MAP3K6: variants seen among roughly 807,000 people sequenced by gnomAD.
MAP3K6 encodes mitogen-activated protein kinase kinase kinase 6.
MAP3K6 carries 105 observed loss-of-function variants against 147.1 expected under a neutral mutation model. The ratio of observed to expected loss-of-function variants is 0.71; its 90% CI spans 0.61 to 0.84. The LOEUF is 0.84. Among genes scored for constraint, MAP3K6 ranks in the 40% least tolerant of loss-of-function variants. The pLI, the probability that MAP3K6 is intolerant of heterozygous loss-of-function variation, is 0.00. For synonymous variants in MAP3K6, 695 were observed against 732.4 expected (o/e 0.95, Z 0.82); for missense variants, 1,569 against 1,715.0 (o/e 0.91, Z 1.50).
Position 27,366,118 on chromosome 1 carries a change from G to A in MAP3K6, c.340+140C>T. ...CACTTTTTTCACGGCCCTGTCCCAAGCCCTTCAGCTTTAGCTCACTTTAAG... is the reference window on the plus strand; with the variant it reads ...CACTTTTTTCACGGCCCTGTCCCAAACCCTTCAGCTTTAGCTCACTTTAAG... On this transcript the variant is annotated intron_variant, in intron 1 of 28. Transcript: ENST00000357582. This position sits in a 1 kb window ranked among gnomAD's most constrained non-coding sequence, Gnocchi z 5.5. The A allele has an allele frequency of 1.1e-6, 1 of 940,130 alleles. No individual in the cohort carries two copies. The highest frequency in any genetic ancestry group is 5.2e-5 in the South Asian group (1 of 19,326). 58.2% of individuals were successfully genotyped at this position (940,130 alleles called of 1,614,324 possible).
In MAP3K6 at chr1:27,362,920, C is replaced by T. The variant is rs1364617693; in HGVS notation, c.1073G>A (p.Arg358His). Residue 358 changes from arginine to histidine, a missense_variant, in exon 7 of 29, where the codon CGT (arginine) becomes CAT (histidine). Arg to His is a conservative substitution (Grantham distance 29). Coordinates refer to ENST00000357582, the MANE Select transcript of MAP3K6 (RefSeq NM_004672.5). ...GCTGAAGAACATGTCCTTGTAGATA[C>T]GGCCACACATGCAGTACAGATCGGG... The part of the protein sequence containing the change: ...VAPDLYCMCG[R>H]IYKDMFFSSG... The T allele has an allele frequency of 5.6e-6, 9 of 1,614,022 alleles. No individual in the cohort carries two copies. Among genetic ancestry groups the T allele is most frequent in the African/African-American group, 4.0e-5 (3 of 74,928 alleles).
rs774078367 is a variant in MAP3K6, at chr1:27,361,334, C to T, written c.1736+12G>A. ...TCCCGTCTTTCCAGTCACCCCAGGTCCCGCCTATCACCTGACTCCGCATAT... is the reference window on the plus strand; with the variant it reads ...TCCCGTCTTTCCAGTCACCCCAGGTTCCGCCTATCACCTGACTCCGCATAT... On this transcript the variant is annotated intron_variant, in intron 12 of 28. Coordinates refer to ENST00000357582, the MANE Select transcript of MAP3K6 (RefSeq NM_004672.5). 9.3e-6 allele frequency: 15 copies of T among 1,613,816 alleles called. No homozygotes were observed. The highest frequency in any genetic ancestry group is 1.1e-5 in the Non-Finnish European group (13 of 1,179,964).
rs777135177 is a variant in MAP3K6, at chr1:27,361,501, G to C, written c.1686+19C>G. The stretch of plus-strand genomic sequence containing the variant: ...AGGTCCTAGCAAAGGTGAGTGAGGG[G>C]CCTCAGCAGCGACTTCACCTGGGTC... On this transcript the variant is annotated intron_variant, in intron 11 of 28. Coordinates refer to ENST00000357582, the MANE Select transcript of MAP3K6 (RefSeq NM_004672.5). The C allele has an allele frequency of 1.9e-6, 3 of 1,613,214 alleles. No individual in the cohort carries two copies. Among genetic ancestry groups the C allele is most frequent in the South Asian group, 1.1e-5 (1 of 91,062 alleles).
At chr1:27,357,350 AACTC>A in intron 23 of MAP3K6, 46 bp downstream of exon 23, 1 of 1,555,878 alleles carries the variant, frequency 6.4e-7, no homozygotes, top group Non-Finnish European at 8.7e-7. Flanking sequence ...AGGCACGGGG[AACTC>A]ACTACCTGTT....
intron 28 of MAP3K6, 75 bp from the exon 29 acceptor site, chr1:27,355,544 G>T (rs2148044824): frequency 1.3e-6 from 2 of 1,576,792 alleles, no homozygotes; most frequent in East Asian, 4.5e-5. Flanking sequence ...TGTCTGCCCA[G>T]TGCCCCCTCT....
chr1:27,362,093 T>C lies in MAP3K6; in HGVS notation c.1413A>G (p.Ile471Met). ...AEQLYKLNAP[I>M]WYLVSVMETF... Reference sequence around the variant, plus strand: ...AGAATGCAGAGGGGGCCACCTACCATATGGGGGCATTGAGCTTATACAGCT... The same window carrying C: ...AGAATGCAGAGGGGGCCACCTACCACATGGGGGCATTGAGCTTATACAGCT... The change falls in exon 9 of 29, where the codon ATA (isoleucine) becomes ATG (methionine). Residue 471 changes from isoleucine (I) to methionine (M), a missense_variant and splice_region_variant. Physicochemically the swap from Ile to Met is conservative, Grantham distance 10. Coordinates refer to ENST00000357582, the MANE Select transcript of MAP3K6 (RefSeq NM_004672.5). 1.2e-6 allele frequency: 2 copies of C among 1,609,644 alleles called. No individual in the cohort carries two copies. Among genetic ancestry groups the C allele is most frequent in the East Asian group, 4.5e-5 (2 of 44,814 alleles).
chr1:27,364,651 T>C lies in MAP3K6; in HGVS notation c.504+10A>G, dbSNP rs1383339003. On this transcript the variant is annotated intron_variant, in intron 3 of 28. Coordinates refer to ENST00000357582, the MANE Select transcript of MAP3K6 (RefSeq NM_004672.5). This position sits in a 1 kb window ranked among gnomAD's most constrained non-coding sequence, Gnocchi z 4.4. Reference sequence around the variant, plus strand: ...AGGGCACTTTTGAGTGAGAGGTGGATTCTGCTCACCGAGTTCTTCTGGAAA... The same window carrying C: ...AGGGCACTTTTGAGTGAGAGGTGGACTCTGCTCACCGAGTTCTTCTGGAAA... 6.2e-7 allele frequency: 1 copy of C among 1,614,140 alleles called. No homozygotes were observed. Among genetic ancestry groups the C allele is most frequent in the Non-Finnish European group, 8.5e-7 (1 of 1,180,006 alleles).
Position 27,366,299 on chromosome 1 carries a change from TCCAGC to T in MAP3K6, c.294_298del (p.Leu99AlafsTer37). ...ATCCAGAGCCGCGGTGTCGCCTAGC[TCCAGC>T]GTCCCGAAGGGCAGGCTGCGCAGCT... is the stretch of plus-strand genomic sequence containing the variant. On this transcript the variant is annotated frameshift_variant, in exon 1 of 29. Transcript: ENST00000357582. LOFTEE classifies it high-confidence loss of function. The surrounding 1 kb of genome is among the most constrained non-coding windows in gnomAD (Gnocchi z 5.5). The T allele has an allele frequency of 7.5e-7, 1 of 1,330,692 alleles. No homozygotes were observed. Among genetic ancestry groups the T allele is most frequent in the African/African-American group, 1.5e-5 (1 of 65,264 alleles). The allele number at this position is 1,330,692 out of a possible 1,614,324, so 82.4% of individuals were successfully genotyped here.
rs531737432 is a variant in MAP3K6, at chr1:27,359,792, G to A, written c.2319+66C>T. ...CACTTAATCTAAACTGCCAGCCTGC[G>A]TCTGGGACCATGTTTCCTTCCCCGC... On this transcript the variant is annotated intron_variant, in intron 17 of 28. Coordinates refer to ENST00000357582, the MANE Select transcript of MAP3K6 (RefSeq NM_004672.5). This position sits in a 1 kb window ranked among gnomAD's most constrained non-coding sequence, Gnocchi z 4.4. 2.6e-4 allele frequency: 421 copies of A among 1,603,890 alleles called. 1 individual carries two copies. The highest frequency in any genetic ancestry group is 2.0e-3 in the Middle Eastern group (12 of 6,028).
At position 27,360,650 on chromosome 1, in the gene MAP3K6, G is replaced by A. The variant is rs115666955; in HGVS notation, c.2054+55C>T. Reference sequence around the variant, plus strand: ...ACAGGAGCCGCTCCGCTCGTGGCCCGGCTCACTCGGCCCTCGCGAGCCCTC... The same window carrying A: ...ACAGGAGCCGCTCCGCTCGTGGCCCAGCTCACTCGGCCCTCGCGAGCCCTC... On this transcript the variant is annotated intron_variant, in intron 15 of 28. Transcript: ENST00000357582. This position sits in a 1 kb window ranked among gnomAD's most constrained non-coding sequence, Gnocchi z 4.5. 0.011 allele frequency: 17,741 copies of A among 1,565,784 alleles called. 137 individuals are homozygous for A. The highest frequency in any genetic ancestry group is 0.051 in the Middle Eastern group (280 of 5,502).
rs1181495734 is a variant in MAP3K6, at chr1:27,364,682, C to T, written c.483G>A (p.Glu161=). ...TCACCGAGTTCTTCTGGAAAACATC[C>T]TCCTGCAGGAGGCAGACAGTCAGAT... ...ADLPDLQALR[E]DVFQKNSDCV... The change falls in exon 3 of 29, where the codon GAG becomes GAA. Residue 161 remains glutamate (E), a splice_region_variant and synonymous_variant. Coordinates refer to ENST00000357582, the MANE Select transcript of MAP3K6 (RefSeq NM_004672.5). The surrounding 1 kb of genome is among the most constrained non-coding windows in gnomAD (Gnocchi z 4.4). The T allele has an allele frequency of 3.7e-6, 6 of 1,614,064 alleles. 1 individual carries two copies. The African/African-American group carries it at 4.0e-5, about 11-fold the overall frequency.
chr1:27,357,458 C>G lies in MAP3K6; in HGVS notation c.3200G>C (p.Arg1067Thr), dbSNP rs762730374. 1 of 1,613,552 alleles carries G rather than the reference C, an allele frequency of 6.2e-7. No individual in the cohort carries two copies. Among genetic ancestry groups the G allele is most frequent in the South Asian group, 1.1e-5 (1 of 91,052 alleles). Residue 1067 changes from arginine (R) to threonine (T), a missense_variant, in exon 23 of 29, where the codon AGG (arginine) becomes ACG (threonine). Coordinates refer to ENST00000357582, the MANE Select transcript of MAP3K6 (RefSeq NM_004672.5). The stretch of plus-strand genomic sequence containing the variant: ...AAGCGCAGGCCCAAGGCCCTGGGCC[C>G]TCAGCCGTCCTTGCAGCGCCCGCAG... ...QELRALQGRL[R>T]AQGLGPALLH... is the part of the protein sequence containing the mutation.
In MAP3K6 at chr1:27,361,221, G is replaced by C; in HGVS notation, c.1768C>G (p.Leu590Val). Reference sequence around the variant, plus strand: ...TCCTGAGCCGGGGGGAGTGCATAGAGGAAGCAGCAGCGCTCGTCGCGCTTT... The same window carrying C: ...TCCTGAGCCGGGGGGAGTGCATAGACGAAGCAGCAGCGCTCGTCGCGCTTT... ...ASKRDERCCF[L>V]YALPPAQDVQ... The change falls in exon 13 of 29, where the codon CTC (leucine) becomes GTC (valine). Residue 590 changes from leucine (L) to valine (V), a missense_variant. Physicochemically the swap from Leu to Val is conservative, Grantham distance 32. Coordinates refer to ENST00000357582, the MANE Select transcript of MAP3K6 (RefSeq NM_004672.5). 6.2e-7 allele frequency: 1 copy of C among 1,613,346 alleles called. No homozygotes were observed. Among genetic ancestry groups the C allele is most frequent in the Non-Finnish European group, 8.5e-7 (1 of 1,179,876 alleles).
At chr1:27,357,979 A>C in intron 21 of MAP3K6, 103 bp from the exon 22 acceptor site, 1 of 1,470,686 alleles carries the variant, frequency 6.8e-7, no homozygotes, top group South Asian at 1.4e-5. Context: ...TGCCTACCTC[A>C]CAGGCATGAA....
At chr1:27,362,804 C>T (rs1207684502) in intron 7 of MAP3K6, 47 bp downstream of exon 7, 1 of 1,611,506 alleles carries the variant, frequency 6.2e-7, no homozygotes. Context: ...ACAGCACCAC[C>T]CCTCATCTCA....
At chr1:27,361,684 C>T (rs750389310) in intron 10 of MAP3K6, 21 bp downstream of exon 10, 3 of 1,613,998 alleles carry the variant, frequency 1.9e-6, no homozygotes, top group Admixed American at 3.3e-5. Context: ...TTCCCGGGTC[C>T]ACCACCCCTA....
In MAP3K6 at chr1:27,363,543, GT is replaced by G. The variant is rs750842753; in HGVS notation, c.869del (p.Tyr290SerfsTer99). The G allele has an allele frequency of 6.2e-7, 1 of 1,609,874 alleles. No homozygotes were observed. The highest frequency in any genetic ancestry group is 1.1e-5 in the South Asian group (1 of 90,498). ...TCTCCACCAGCTCAATGATGGCCGA[GT>G]AGTCCTGCATCAGGGAACGGCAAGC... Reference protein sequence around the residue: ...LLLSYRDVQDYSAIIELVETL... With the variant: ...LLLSYRDVQDXSAIIELVETL... On this transcript the variant is annotated frameshift_variant, in exon 6 of 29. Transcript: ENST00000357582. LOFTEE classifies it high-confidence loss of function.
Position 27,360,610 on chromosome 1 carries a change from C to T in MAP3K6, c.2054+95G>A, listed in dbSNP as rs150814911. On this transcript the variant is annotated intron_variant, in intron 15 of 28. Coordinates refer to ENST00000357582, the MANE Select transcript of MAP3K6 (RefSeq NM_004672.5). The surrounding 1 kb of genome is among the most constrained non-coding windows in gnomAD (Gnocchi z 4.5). ...AACTCTCAGGTCCTACGAGCCCGCC[C>T]ACTAGGCCCCGCCCACAGGAGCCGC... 44,278 of 1,487,658 alleles carry T rather than the reference C, an allele frequency of 0.03. 766 individuals are homozygous for T. Among genetic ancestry groups the T allele is most frequent in the Middle Eastern group, 0.053 (238 of 4,462 alleles). The allele number at this position is 1,487,658 out of a possible 1,614,324, so 92.2% of individuals were successfully genotyped here. A position where few individuals can be genotyped will look rare whatever the true frequency, so the allele number is the denominator to read the frequency against.
chr1:27,360,048 T>A lies in MAP3K6; in HGVS notation c.2183-54A>T, dbSNP rs2015688710. 4 of 1,609,780 alleles carry A rather than the reference T, an allele frequency of 2.5e-6. No individual in the cohort carries two copies. The highest frequency in any genetic ancestry group is 1.7e-6 in the Non-Finnish European group (2 of 1,177,596). Reference sequence around the variant, plus strand: ...TCCCACCCACTGGCTCCAGCCCACATCTCTCTGCTCAAGGCCCAGACACAC... The same window carrying A: ...TCCCACCCACTGGCTCCAGCCCACAACTCTCTGCTCAAGGCCCAGACACAC... On this transcript the variant is annotated intron_variant, in intron 16 of 28. Coordinates refer to ENST00000357582, the MANE Select transcript of MAP3K6 (RefSeq NM_004672.5). This position sits in a 1 kb window ranked among gnomAD's most constrained non-coding sequence, Gnocchi z 4.5.
Sources: gnomAD v4.1 joint callset for allele counts on GRCh38, gnomAD v4.1.1 for gene constraint, Gnocchi (gnomAD v3.1) non-coding constraint, MANE v1.5 for transcripts, NCBI Gene and HGNC (gene_info 2026-07-23, HGNC 2026-07-21) for gene names.